PDZD2: variants seen among roughly 807,000 people sequenced by gnomAD.
The protein encoded by PDZD2 is PDZ domain containing 2, also known as PDZ domain-containing protein 2.
PDZD2 carries 90 observed loss-of-function variants against 220.7 expected under a neutral mutation model. The observed-to-expected ratio is 0.41, with a 90% confidence interval of 0.34 to 0.49. The LOEUF (loss-of-function observed/expected upper bound fraction) is 0.49, where lower values mean the gene tolerates loss of function less well. Ranked by LOEUF, PDZD2 falls within the 20% of genes least tolerant of loss-of-function variation. The pLI, the probability that PDZD2 is intolerant of heterozygous loss-of-function variation, is 0.28. For missense variants in PDZD2, 3,174 were observed against 3,608.5 expected, an observed-to-expected ratio of 0.88 and a Z score of 3.08; for synonymous variants, 1,375 against 1,450.5, an observed-to-expected ratio of 0.95 and a Z score of 1.18.
intron 1 of PDZD2, among the ~76,000 whole-genome samples, chr5:31,736,606 T>TC (rs1260606242): frequency 6.6e-6 from 1 of 152,242 alleles, no homozygotes; most frequent in African/African-American, 2.4e-5. Context: ...ACTGGTTAAT[T>TC]GCCTTATTTT....
At chr5:31,685,262 C>T (rs542825113) in intron 1 of PDZD2, among the ~76,000 whole-genome samples, 1 of 152,038 alleles carries the variant, frequency 6.6e-6, no homozygotes, top group Non-Finnish European at 1.5e-5. Context: ...ATTGGGTTTA[C>T]ATTGAGTTTA....
chr5:31,869,022 T>G (rs573405416), intron 2 of PDZD2, among the ~76,000 whole-genome samples: 1 of 152,284 alleles, frequency 6.6e-6, no homozygotes, highest in African/African-American at 2.4e-5. Context: ...ATCTGCCTGC[T>G]TCGGCCTCCC....
chr5:31,729,599 G>A (rs1456235724), intron 1 of PDZD2, among the ~76,000 whole-genome samples: 2 of 152,192 alleles, frequency 1.3e-5, no homozygotes, highest in African/African-American at 4.8e-5. Flanking sequence ...TGGAAGGAAT[G>A]TGAGGTTAGG....
intron 2 of PDZD2, among the ~76,000 whole-genome samples, chr5:31,806,931 G>GTT (rs397882682): frequency 0.017 from 2,163 of 127,492 alleles, 77 homozygotes; most frequent in African/African-American, 0.054. Context: ...GGGCGTCTTT[G>GTT]TTTTTTTTTT....
At chr5:31,752,870 T>C (rs1248888583) in intron 1 of PDZD2, among the ~76,000 whole-genome samples, 1 of 152,124 alleles carries the variant, frequency 6.6e-6, no homozygotes, top group Non-Finnish European at 1.5e-5. Flanking sequence ...TTGGTGCCTT[T>C]CTTATGCCAA....
intron 2 of PDZD2, among the ~76,000 whole-genome samples, chr5:31,969,087 G>C (rs1749028060): frequency 6.6e-6 from 1 of 152,146 alleles, no homozygotes. Context: ...TGGAATGGTA[G>C]ATACTCACTG....
intron 1 of PDZD2, among the ~76,000 whole-genome samples, chr5:31,784,073 C>T (rs879816469): frequency 7.9e-5 from 12 of 152,118 alleles, no homozygotes; most frequent in East Asian, 1.9e-4. Context: ...TAAGGCTCCT[C>T]GGTAGGGCTC....
rs113384963 is a variant in PDZD2 at position 32,012,095 on chromosome 5, A to G, written c.1407+1613A>G. On this transcript the variant is annotated intron_variant, in intron 6 of 24. Transcript: ENST00000438447. ...CAGCATTCTGACCTTTCCTTACTGT[A>G]TATCCTTCACTAGCAACTCTCCAGC... 2.9e-3 allele frequency among the ~76,000 whole-genome samples: 448 copies of G among 152,228 alleles called. 4 individuals are homozygous for G. Among genetic ancestry groups the G allele is most frequent in the African/African-American group, 0.01 (430 of 41,546 alleles).
chr5:31,643,869 G>C (rs1366254541), intron 1 of PDZD2, among the ~76,000 whole-genome samples: 1 of 151,910 alleles, frequency 6.6e-6, no homozygotes, highest in Non-Finnish European at 1.5e-5. Flanking sequence ...TGTCACCCAG[G>C]CTGCAGTGGC....
chr5:31,917,725 G>C (rs1182507330), intron 2 of PDZD2, among the ~76,000 whole-genome samples: 2 of 152,078 alleles, frequency 1.3e-5, no homozygotes, highest in African/African-American at 4.8e-5. Flanking sequence ...TCTGCAGGCT[G>C]TACAGGCTTC....
At chr5:31,689,353 A>ATATATATATATATTTT in intron 1 of PDZD2, among the ~76,000 whole-genome samples, 33 of 35,120 alleles carry the variant, frequency 9.4e-4, no homozygotes, top group African/African-American at 4.6e-3. Flanking sequence ...ATATATATAT[A>ATATATATATATATTTT]TTTTTTTTTT....
At chr5:31,770,765 C>T (rs1752293745) in intron 1 of PDZD2, among the ~76,000 whole-genome samples, 1 of 151,612 alleles carries the variant, frequency 6.6e-6, no homozygotes, top group South Asian at 2.1e-4. Flanking sequence ...TGCAAAGCAC[C>T]AAACCAGGGC....
At chr5:31,886,506 C>G (rs1740489874) in intron 2 of PDZD2, among the ~76,000 whole-genome samples, 1 of 152,142 alleles carries the variant, frequency 6.6e-6, no homozygotes, top group Admixed American at 6.6e-5. Context: ...CCCCTCCACC[C>G]TTCTGAGAAC....
rs192037847 is a variant in PDZD2, at chr5:31,928,775, A to G, written c.477-54380A>G. On this transcript the variant is annotated intron_variant, in intron 2 of 24. Transcript: ENST00000438447. ...GCCTGAGCCACGATGCCGGGCCAAG[A>G]AAAGAACCCTTGAAAAGAAAATTCA... Among the ~76,000 whole-genome samples the G allele has an allele frequency of 2.5e-3, 375 of 152,268 alleles. 3 individuals are homozygous for G. Among genetic ancestry groups the G allele is most frequent in the African/African-American group, 8.7e-3 (363 of 41,572 alleles).
At chr5:31,654,456 A>G (rs532767949) in intron 1 of PDZD2, among the ~76,000 whole-genome samples, 46 of 152,020 alleles carry the variant, frequency 3.0e-4, no homozygotes, top group African/African-American at 1.1e-3. Flanking sequence ...CCTGTCTGCG[A>G]TGTCTGTCAT....
At chr5:31,911,571 C>G (rs377497113) in intron 2 of PDZD2, among the ~76,000 whole-genome samples, 15 of 152,204 alleles carry the variant, frequency 9.9e-5, no homozygotes, top group Admixed American at 8.5e-4. Context: ...CCGAGTCTGG[C>G]AGGACTTCTG....
At chr5:31,678,525 T>G (rs1451652936) in intron 1 of PDZD2, among the ~76,000 whole-genome samples, 1 of 151,560 alleles carries the variant, frequency 6.6e-6, no homozygotes, top group African/African-American at 2.4e-5. Context: ...TCAGTTCTGG[T>G]GGGGGACGTC....
chr5:31,920,994 G>A (rs1163364655), intron 2 of PDZD2, among the ~76,000 whole-genome samples: 5 of 152,140 alleles, frequency 3.3e-5, no homozygotes, highest in Admixed American at 6.5e-5. Flanking sequence ...TGCGTGTGCC[G>A]CGGTTTATCT....
rs756548601 is a variant in PDZD2 at position 31,797,094 on chromosome 5, ATTTTT to A, written c.-360-1769_-360-1765del. 6.2e-4 allele frequency among the ~76,000 whole-genome samples: 41 copies of A among 66,534 alleles called. 1 individual carries two copies. In the South Asian group the frequency reaches 0.016, roughly 26 times the overall value. 43.6% of individuals were successfully genotyped at this position (66,534 alleles called of 152,430 possible). On this transcript the variant is annotated intron_variant, in intron 1 of 24. Transcript: ENST00000438447. ...AGGCGCCCGCCACCACACCCAGCTA[ATTTTT>A]TTTTTTTTTTTTTTTTTTTTTTTTT...
Sources: allele counts gnomAD v4.1 joint callset (sites outside exome capture counted in the v4.1 genomes callset), GRCh38; gene constraint gnomAD v4.1.1; transcripts MANE v1.5; gene names NCBI Gene and HGNC (gene_info 2026-07-23, HGNC 2026-07-21).